The following SLIT1 variants were observed in gnomAD, a reference collection of about 807,000 sequenced individuals.
SLIT1 encodes slit homolog 1 protein.
SLIT1 carries 66 observed loss-of-function variants against 186.1 expected under a neutral mutation model. The ratio of observed to expected loss-of-function variants is 0.35; its 90% CI spans 0.29 to 0.44. The LOEUF is 0.44. SLIT1 is among the 20% of genes least tolerant of loss of function. The pLI, the probability that SLIT1 is intolerant of heterozygous loss-of-function variation, is 1.00. For synonymous variants in SLIT1, 761 were observed against 833.8 expected, an observed-to-expected ratio of 0.91 and a Z score of 1.50; for missense variants, 1,638 against 2,037.4, an observed-to-expected ratio of 0.80 and a Z score of 3.77.
At position 97,080,194 on chromosome 10, in the gene SLIT1, A is replaced by G. The variant is rs555409945; in HGVS notation, c.414-14108T>C. On this transcript the variant is annotated intron_variant, in intron 4 of 36. Transcript: ENST00000266058. ...GTATCTTACACAATTTAGCAAGTCT[A>G]TGGATAAAACAGCTTGGGAGCAGAG... is the stretch of plus-strand genomic sequence containing the variant. Among the ~76,000 whole-genome samples, 4 of 152,266 alleles carry G rather than the reference A, an allele frequency of 2.6e-5. No homozygotes were observed. In the South Asian group the frequency reaches 6.2e-4, roughly 24 times the overall value.
intron 14 of SLIT1, 100 bp from the exon 15 acceptor site, chr10:97,048,096 C>T (rs1425701984): frequency 3.0e-6 from 4 of 1,323,000 alleles, no homozygotes; most frequent in Non-Finnish European, 4.4e-6. Context: ...GCACCCCAGA[C>T]AGGGCTGAGG....
At chr10:97,036,993 T>A (rs912575428) in intron 22 of SLIT1, among the ~76,000 whole-genome samples, 2 of 151,944 alleles carry the variant, frequency 1.3e-5, no homozygotes, top group African/African-American at 4.8e-5. Flanking sequence ...AAGCTTTCCA[T>A]CACCCTCCAC....
At chr10:97,092,349 C>A (rs969280989) in intron 4 of SLIT1, among the ~76,000 whole-genome samples, 1 of 152,226 alleles carries the variant, frequency 6.6e-6, no homozygotes, top group Admixed American at 6.5e-5. Flanking sequence ...AAGAGACATG[C>A]ACTCATCTCC....
chr10:97,084,924 CTTTTTT>C (rs34001660), intron 4 of SLIT1, among the ~76,000 whole-genome samples: 3 of 126,162 alleles, frequency 2.4e-5, no homozygotes, highest in Non-Finnish European at 4.8e-5. Flanking sequence ...CTTTTCTTTC[CTTTTTT>C]TTTTTTTTTT....
intron 1 of SLIT1, among the ~76,000 whole-genome samples, chr10:97,178,279 C>T (rs1031631872): frequency 6.6e-5 from 10 of 152,222 alleles, no homozygotes; most frequent in African/African-American, 2.4e-4. Flanking sequence ...CACAAACTGA[C>T]ATCACGTGCC....
At chr10:97,039,374 A>G (rs1589371089) in intron 21 of SLIT1, among the ~76,000 whole-genome samples, 1 of 152,334 alleles carries the variant, frequency 6.6e-6, no homozygotes, top group East Asian at 1.9e-4. Context: ...GGATTTCAGC[A>G]CCATACTCAG....
chr10:97,153,020 C>T (rs1195232198), intron 4 of SLIT1: 2 of 152,176 alleles, frequency 1.3e-5, no homozygotes, highest in Non-Finnish European at 2.9e-5. Flanking sequence ...TTTCAATATT[C>T]TAAATAATAC....
chr10:97,064,169 A>G lies in SLIT1; in HGVS notation c.628T>C (p.Phe210Leu), dbSNP rs772719112. 1 of 1,612,474 alleles carries G rather than the reference A, an allele frequency of 6.2e-7. No homozygotes were observed. Among genetic ancestry groups the G allele is most frequent in the Non-Finnish European group, 8.5e-7 (1 of 1,179,322 alleles). Residue 210 changes from phenylalanine to leucine, a missense_variant and splice_region_variant, in exon 7 of 37, where the codon TTC becomes CTC. Phe to Leu is a conservative substitution (Grantham distance 22). Around this residue, in one of 3 missense-constraint regions of SLIT1, gnomAD observed 1,245 missense variants for 1,535.3 expected, o/e 0.81. Coordinates refer to ENST00000266058, the MANE Select transcript of SLIT1 (RefSeq NM_003061.3). The stretch of plus-strand genomic sequence containing the variant: ...TCCCAGCTGCCCCGGCTGACTCACA[A>G]GGTCCGTAGCTTGGGCATATGGTTG... Reference protein sequence around the residue: ...SFNHMPKLRTFRLHSNHLFCD... With the variant: ...SFNHMPKLRTLRLHSNHLFCD...
At position 97,118,333 on chromosome 10, in the gene SLIT1, C is replaced by T. The variant is rs184799023; in HGVS notation, c.413+39485G>A. The stretch of plus-strand genomic sequence containing the variant: ...GGATGCCCATGAACTTCCCAAAGAA[C>T]TCAGGGCCTTCAGGACTTTGTCCTC... On this transcript the variant is annotated intron_variant, in intron 4 of 36. Transcript: ENST00000266058. Among the ~76,000 whole-genome samples, 161 of 152,286 alleles carry T rather than the reference C, an allele frequency of 1.1e-3. 5 individuals carry two copies. The East Asian group carries it at 0.029, about 27-fold the overall frequency.
At chr10:97,026,386 C>T (rs1285352234) in intron 25 of SLIT1, among the ~76,000 whole-genome samples, 3 of 151,952 alleles carry the variant, frequency 2.0e-5, no homozygotes, top group African/African-American at 7.3e-5. Flanking sequence ...ATTGGTTGAA[C>T]CCGGGAGGCG....
At chr10:97,017,200 G>A (rs1283441300) in intron 28 of SLIT1, among the ~76,000 whole-genome samples, 4 of 152,198 alleles carry the variant, frequency 2.6e-5, no homozygotes, top group East Asian at 3.8e-4. Context: ...TGAGGAGGGC[G>A]CGCCCAGGGA....
chr10:97,116,362 G>T (rs1849510408), intron 4 of SLIT1, among the ~76,000 whole-genome samples: 1 of 152,162 alleles, frequency 6.6e-6, no homozygotes, highest in African/African-American at 2.4e-5. Flanking sequence ...CCACTGCAAG[G>T]ATTCCAGGTT....
Position 97,043,478 on chromosome 10 carries a change from T to C in SLIT1, c.1889A>G (p.Asn630Ser). ...GTTGCGCAGGCCCGTGAAGCTGTCG[T>C]TGTGGATGCAGCTGATGCGGTTGTT... The part of the protein sequence containing the change: ...LRNNRISCIH[N>S]DSFTGLRNVR... Residue 630 changes from asparagine (N) to serine (S), a missense_variant, in exon 19 of 37, where the codon AAC becomes AGC. Asn to Ser is a conservative substitution (Grantham distance 46, BLOSUM62 1). Transcript: ENST00000266058. This position sits in a 1 kb window ranked among gnomAD's most constrained non-coding sequence, Gnocchi z 7.0. The C allele has an allele frequency of 6.2e-7, 1 of 1,613,870 alleles. No homozygotes were observed.
rs1849523458 is a variant in SLIT1, at chr10:97,117,917, G to T, written c.413+39901C>A. 2.6e-5 allele frequency among the ~76,000 whole-genome samples: 4 copies of T among 152,258 alleles called. No homozygotes were observed. The South Asian group carries it at 8.3e-4, about 32-fold the overall frequency. On this transcript the variant is annotated intron_variant, in intron 4 of 36. Transcript: ENST00000266058. ...TGAATACATTTCAGAAACCCCAGGG[G>T]GATCTGTCAAAATGCAGAGTTCTGG...
chr10:97,173,345 T>C (rs1390072620), intron 1 of SLIT1, among the ~76,000 whole-genome samples: 7 of 152,154 alleles, frequency 4.6e-5, no homozygotes, highest in Non-Finnish European at 8.8e-5. Flanking sequence ...CTCTTGGAAG[T>C]AGGCATCTTT....
chr10:97,131,297 T>C (rs1849652067), intron 4 of SLIT1, among the ~76,000 whole-genome samples: 1 of 152,202 alleles, frequency 6.6e-6, no homozygotes, highest in African/African-American at 2.4e-5. Flanking sequence ...CACACTGTCA[T>C]CAAAAACAGG....
Position 97,006,570 on chromosome 10 carries a change from C to T in SLIT1, c.3492G>A (p.Lys1164=). 1 of 1,614,228 alleles carries T rather than the reference C, an allele frequency of 6.2e-7. No homozygotes were observed. The highest frequency in any genetic ancestry group is 1.1e-5 in the South Asian group (1 of 91,082). Residue 1164 remains lysine (K), a synonymous_variant, in exon 32 of 37, where the codon AAG becomes AAA. Coordinates refer to ENST00000266058, the MANE Select transcript of SLIT1 (RefSeq NM_003061.3). This position sits in a 1 kb window ranked among gnomAD's most constrained non-coding sequence, Gnocchi z 4.0. ...GATCCACAAAGTTGACACTGAGCAA[C>T]TTCTCACACTCAGGGCCACCGAAGC... ...LPGFGGPECE[K]LLSVNFVDRD...
intron 4 of SLIT1, among the ~76,000 whole-genome samples, chr10:97,105,906 T>C (rs1849409483): frequency 6.6e-6 from 1 of 152,146 alleles, no homozygotes; most frequent in Admixed American, 6.5e-5. Context: ...AAGGGCACCA[T>C]CAGGTGGATG....
intron 4 of SLIT1, among the ~76,000 whole-genome samples, chr10:97,146,559 G>GCCCCCCCCCCCCCCCCC (rs61265496): frequency 6.7e-6 from 1 of 149,086 alleles, no homozygotes; most frequent in Non-Finnish European, 1.5e-5. Flanking sequence ...AGGTACCCCA[G>GCCCCCCCCCCCCCCCCC]CCCCCCCCAC....
Sources: allele counts gnomAD v4.1 joint callset (sites outside exome capture counted in the v4.1 genomes callset), GRCh38; gene constraint gnomAD v4.1.1; regional missense constraint gnomAD v4.1.1; non-coding constraint Gnocchi (gnomAD v3.1); transcripts MANE v1.5; gene names NCBI Gene and HGNC (gene_info 2026-07-23, HGNC 2026-07-21).